The following ITGA1 variants were observed in gnomAD, a reference collection of about 807,000 sequenced individuals.
ITGA1 encodes the protein integrin alpha-1.
In ITGA1, 85 loss-of-function variants were observed where a neutral mutation model predicts 145.9. That is an observed-to-expected ratio of 0.58 (90% CI 0.49 to 0.70). ITGA1 has a LOEUF of 0.70. Ranked by LOEUF, ITGA1 falls within the 30% of genes least tolerant of loss-of-function variation. ITGA1 has a pLI of 0.00. For synonymous variants in ITGA1, 520 were observed against 495.3 expected (o/e 1.05, Z -0.66); for missense variants, 1,351 against 1,418.7 (o/e 0.95, Z 0.77).
At position 52,801,532 on chromosome 5, in the gene ITGA1, A is replaced by G. The variant is rs1355504570; in HGVS notation, c.61+13118A>G. 3 of 1,614,072 alleles carry G rather than the reference A, an allele frequency of 1.9e-6. No individual in the cohort carries two copies. The highest frequency in any genetic ancestry group is 3.3e-4 in the Middle Eastern group (2 of 6,084). ...CAAAGCCTTGGATGACTTCTATAAA[A>G]TGTTACAGCATGAACCGGATCGAGC... On this transcript the variant is annotated intron_variant, in intron 1 of 28. Transcript: ENST00000282588.
intron 1 of ITGA1, chr5:52,800,788 G>T (rs202063626): frequency 1.9e-6 from 3 of 1,613,600 alleles, no homozygotes; most frequent in East Asian, 2.2e-5. Flanking sequence ...CTGTGACCCA[G>T]CCTGGAGCGC....
intron 1 of ITGA1, among the ~76,000 whole-genome samples, chr5:52,788,732 TG>T (rs1748179422): frequency 6.6e-6 from 1 of 152,218 alleles, no homozygotes; most frequent in African/African-American, 2.4e-5. Context: ...AGGACTTTGC[TG>T]AATATTTCCT....
rs766514211 is a variant in ITGA1 at position 52,908,906 on chromosome 5, C to T, written c.1464C>T (p.Ser488=). ...TTCATTTTGTGTCCTAGATTGGTTC[C>T]TACTTTGGCAGTATTTTAACAACAA... The part of the protein sequence containing the change: ...LQTLSGEQIG[S]YFGSILTTTD... Residue 488 remains serine, a synonymous_variant, in exon 13 of 29, where the codon TCC becomes TCT. Transcript: ENST00000282588. 6.2e-7 allele frequency: 1 copy of T among 1,613,588 alleles called. No individual in the cohort carries two copies. The highest frequency in any genetic ancestry group is 1.7e-5 in the Admixed American group (1 of 59,978).
intron 1 of ITGA1, chr5:52,801,525 C>T: frequency 1.2e-6 from 2 of 1,614,136 alleles, no homozygotes; most frequent in Non-Finnish European, 1.7e-6. Context: ...TGGATGACTT[C>T]TATAAAATGT....
chr5:52,865,938 T>C, intron 6 of ITGA1, 121 bp downstream of exon 6: 2 of 713,096 alleles, frequency 2.8e-6, no homozygotes, highest in Non-Finnish European at 4.3e-6. Flanking sequence ...ATGAATTTTA[T>C]ATCCATTTCC....
chr5:52,926,403 C>A (rs985231423), intron 19 of ITGA1, among the ~76,000 whole-genome samples: 6 of 152,010 alleles, frequency 3.9e-5, no homozygotes, highest in Non-Finnish European at 7.4e-5. Context: ...GAGATCGAGA[C>A]CATCCAGGCT....
In ITGA1 at chr5:52,918,737, G is replaced by A. The variant is rs764279742; in HGVS notation, c.1994G>A (p.Arg665Gln). The change falls in exon 16 of 29, where the codon CGA becomes CAA. Residue 665 changes from arginine (R) to glutamine (Q), a missense_variant. Coordinates refer to ENST00000282588, the MANE Select transcript of ITGA1 (RefSeq NM_181501.2). The stretch of plus-strand genomic sequence containing the variant: ...CCCATTGTTTTTGTTTGTAGGTCCC[G>A]AGATGTGGCCGTAGTTAAAGTGACC... Reference protein sequence around the residue: ...GLGGAALFWSRDVAVVKVTMN... With the variant: ...GLGGAALFWSQDVAVVKVTMN... 1.4e-5 allele frequency: 23 copies of A among 1,606,346 alleles called. No homozygotes were observed. The highest frequency in any genetic ancestry group is 5.2e-5 in the Admixed American group (3 of 58,216).
At chr5:52,856,871 C>T (rs1228721254) in intron 2 of ITGA1, among the ~76,000 whole-genome samples, 1 of 152,134 alleles carries the variant, frequency 6.6e-6, no homozygotes, top group East Asian at 1.9e-4. Flanking sequence ...CTGGGCTCAT[C>T]ATCTGGTCCC....
intron 14 of ITGA1, among the ~76,000 whole-genome samples, chr5:52,913,415 G>GA (rs1265736966): frequency 6.6e-6 from 1 of 152,084 alleles, no homozygotes; most frequent in African/African-American, 2.4e-5. Context: ...GTAATCCTTA[G>GA]AAAAAATAAA....
chr5:52,822,430 A>G (rs1243109149), intron 1 of ITGA1, among the ~76,000 whole-genome samples: 1 of 152,176 alleles, frequency 6.6e-6, no homozygotes, highest in Non-Finnish European at 1.5e-5. Flanking sequence ...CCTCCCACTG[A>G]TTCAGGGACA....
intron 6 of ITGA1, among the ~76,000 whole-genome samples, chr5:52,875,382 A>T (rs1749851511): frequency 6.6e-6 from 1 of 152,120 alleles, no homozygotes; most frequent in South Asian, 2.1e-4. Context: ...AGTGTTACAA[A>T]CCTCTTGTTC....
intron 28 of ITGA1, among the ~76,000 whole-genome samples, chr5:52,949,570 C>A (rs1463256656): frequency 2.6e-5 from 4 of 152,118 alleles, no homozygotes; most frequent in Non-Finnish European, 4.4e-5. Flanking sequence ...ATCTACAGAG[C>A]TCTTTCTTTT....
In ITGA1 at chr5:52,954,906, A is replaced by G. The variant is rs1751280569; in HGVS notation, c.*2455A>G. 1 of 152,234 alleles carries G rather than the reference A, an allele frequency of 6.6e-6. No homozygotes were observed. Among genetic ancestry groups the G allele is most frequent in the Non-Finnish European group, 1.5e-5 (1 of 68,036 alleles). 9.4% of individuals were successfully genotyped at this position (152,234 alleles called of 1,614,324 possible). A position where few individuals can be genotyped will look rare whatever the true frequency, so the allele number is the denominator to read the frequency against. On this transcript the variant is annotated 3_prime_UTR_variant, in exon 29 of 29. Coordinates refer to ENST00000282588, the MANE Select transcript of ITGA1 (RefSeq NM_181501.2). ...CAGCTTTGTACAAATGTTATAAAAC[A>G]TATTTAATGATTAAGAAATGTACTA... is the stretch of plus-strand genomic sequence containing the variant.
At chr5:52,889,246 C>T (rs556124308) in intron 8 of ITGA1, among the ~76,000 whole-genome samples, 37 of 152,170 alleles carry the variant, frequency 2.4e-4, no homozygotes, top group East Asian at 5.8e-4. Context: ...GGACCACAGG[C>T]GCACACCACC....
intron 1 of ITGA1, among the ~76,000 whole-genome samples, chr5:52,844,098 T>A (rs1395402611): frequency 6.6e-6 from 1 of 152,268 alleles, no homozygotes; most frequent in East Asian, 1.9e-4. Flanking sequence ...GAGATATCCT[T>A]CAACACCAGC....
chr5:52,910,536 C>A, intron 14 of ITGA1, 117 bp downstream of exon 14: 1 of 1,117,794 alleles, frequency 8.9e-7, no homozygotes, highest in Non-Finnish European at 1.3e-6. Context: ...TATTGGGAAA[C>A]TGGATTTAAT....
chr5:52,834,560 G>GAGAAAGAGAGAAGAA (rs1554042402), intron 1 of ITGA1, among the ~76,000 whole-genome samples: 28,347 of 130,524 alleles, frequency 0.22, 3,486 homozygotes, highest in Middle Eastern at 0.3. Context: ...GAAAGAGAGA[G>GAGAAAGAGAGAAGAA]AGAAAGAGAG....
intron 11 of ITGA1, chr5:52,904,345 C>G (rs1028096758): frequency 6.6e-6 from 1 of 152,178 alleles, no homozygotes; most frequent in African/African-American, 2.4e-5. Flanking sequence ...TCCACCCCCA[C>G]TATCGCACCC....
chr5:52,873,910 G>A (rs1474985329), intron 6 of ITGA1, among the ~76,000 whole-genome samples: 1 of 151,942 alleles, frequency 6.6e-6, no homozygotes, highest in Non-Finnish European at 1.5e-5. Flanking sequence ...TTTGGGTGCT[G>A]GTGTAACCCT....
Sources: gnomAD v4.1 joint callset for allele counts (sites outside exome capture counted in the v4.1 genomes callset) on GRCh38, gnomAD v4.1.1 for gene constraint, MANE v1.5 for transcripts, NCBI Gene and HGNC (gene_info 2026-07-23, HGNC 2026-07-21) for gene names.